PRKG1: variants seen among roughly 807,000 people sequenced by gnomAD.
PRKG1 encodes cGMP-dependent protein kinase 1.
In PRKG1, 35 loss-of-function variants were observed where a neutral mutation model predicts 88.1. That is an observed-to-expected ratio of 0.40 (90% CI 0.30 to 0.53). The LOEUF is 0.53. Ranked by LOEUF, PRKG1 falls within the 20% of genes least tolerant of loss-of-function variation. The pLI is 0.59. For missense variants in PRKG1, 540 were observed against 839.8 expected (o/e 0.64, Z 4.41); for synonymous variants, 303 against 292.5 (o/e 1.04, Z -0.37).
At chr10:51,273,835 C>A (rs1840045115) in intron 2 of PRKG1, among the ~76,000 whole-genome samples, 1 of 152,126 alleles carries the variant, frequency 6.6e-6, no homozygotes, top group Non-Finnish European at 1.5e-5. Context: ...ATGTTTATAC[C>A]ACCCACCTTA....
chr10:51,519,159 T>G (rs1384974716), intron 3 of PRKG1, among the ~76,000 whole-genome samples: 1 of 152,194 alleles, frequency 6.6e-6, no homozygotes, highest in South Asian at 2.1e-4. Flanking sequence ...AACAATGCAT[T>G]TGATATGTGG....
intron 7 of PRKG1, among the ~76,000 whole-genome samples, chr10:52,102,159 C>CCTTTTT (rs1847307888): frequency 6.6e-6 from 1 of 152,128 alleles, no homozygotes; most frequent in Non-Finnish European, 1.5e-5. Flanking sequence ...AGCCAATAAA[C>CCTTTTT]AACTGCCTTT....
At chr10:51,692,051 A>C (rs556880398) in intron 3 of PRKG1, among the ~76,000 whole-genome samples, 1 of 152,296 alleles carries the variant, frequency 6.6e-6, no homozygotes, top group East Asian at 1.9e-4. Context: ...AAAGATAGGA[A>C]ATATATTGTA....
rs576911399 is a variant in PRKG1, at chr10:51,397,704, T to A, written c.479-70019T>A. ...TGATGGGATTCTGGCAGTGGAAATA[T>A]AATTAAAATCACAGCAGTTATCAAG... On this transcript the variant is annotated intron_variant, in intron 2 of 17. Coordinates refer to ENST00000373980, the MANE Select transcript of PRKG1 (RefSeq NM_006258.4). Among the ~76,000 whole-genome samples, 4 of 152,278 alleles carry A rather than the reference T, an allele frequency of 2.6e-5. No homozygotes were observed. In the South Asian group the frequency reaches 8.3e-4, roughly 32 times the overall value.
At chr10:51,775,525 G>A (rs1220747281) in intron 3 of PRKG1, among the ~76,000 whole-genome samples, 4 of 151,884 alleles carry the variant, frequency 2.6e-5, no homozygotes, top group Admixed American at 2.6e-4. Context: ...GTGAAGGGAA[G>A]CGCCTTCTCC....
intron 2 of PRKG1, among the ~76,000 whole-genome samples, chr10:51,374,996 A>G (rs1304147059): frequency 6.6e-6 from 1 of 152,168 alleles, no homozygotes; most frequent in African/African-American, 2.4e-5. Context: ...AGAGAGAGTC[A>G]GTAGAGTCTG....
At position 52,297,784 on chromosome 10, in the gene PRKG1, T is replaced by C. The variant is rs1842410969; in HGVS notation, c.*3884T>C. On this transcript the variant is annotated 3_prime_UTR_variant, in exon 18 of 18. Coordinates refer to ENST00000373980, the MANE Select transcript of PRKG1 (RefSeq NM_006258.4). Reference sequence around the variant, plus strand: ...TCCAACCGAAAAGAAAAATTGGAAATGACTGCTAACCAGACCTCGTTATGA... The same window carrying C: ...TCCAACCGAAAAGAAAAATTGGAAACGACTGCTAACCAGACCTCGTTATGA... 1.3e-5 allele frequency: 2 copies of C among 152,166 alleles called. No homozygotes were observed. Among genetic ancestry groups the C allele is most frequent in the African/African-American group, 4.8e-5 (2 of 41,452 alleles). The allele number at this position is 152,166 out of a possible 1,614,324, so 9.4% of individuals were successfully genotyped here. A position where few individuals can be genotyped will look rare whatever the true frequency, so the allele number is the denominator to read the frequency against.
At chr10:51,657,775 A>G (rs1286777871) in intron 3 of PRKG1, among the ~76,000 whole-genome samples, 1 of 152,134 alleles carries the variant, frequency 6.6e-6, no homozygotes, top group Non-Finnish European at 1.5e-5. Flanking sequence ...CCCATTTTTA[A>G]CAGGCTTCCA....
At chr10:52,200,207 T>C (rs1839629271) in intron 9 of PRKG1, among the ~76,000 whole-genome samples, 1 of 152,116 alleles carries the variant, frequency 6.6e-6, no homozygotes, top group Admixed American at 6.6e-5. Flanking sequence ...CTCACCCTCG[T>C]CCCACCCTCC....
intron 2 of PRKG1, among the ~76,000 whole-genome samples, chr10:51,302,332 T>C (rs1170062928): frequency 6.6e-6 from 1 of 152,206 alleles, no homozygotes; most frequent in East Asian, 1.9e-4. Context: ...AATTATTCCC[T>C]GTAAAATATT....
intron 3 of PRKG1, among the ~76,000 whole-genome samples, chr10:51,586,441 A>G (rs1005113951): frequency 3.3e-5 from 5 of 152,160 alleles, no homozygotes; most frequent in Non-Finnish European, 7.4e-5. Context: ...GATGTGTTGT[A>G]TTGAGGCCTA....
intron 2 of PRKG1, among the ~76,000 whole-genome samples, chr10:51,206,660 C>A (rs1189038667): frequency 1.3e-5 from 2 of 152,176 alleles, no homozygotes; most frequent in Non-Finnish European, 2.9e-5. Context: ...TCTGTGCCCA[C>A]TTTTTCTTGG....
chr10:51,505,475 G>T (rs1483115585), intron 3 of PRKG1, among the ~76,000 whole-genome samples: 1 of 152,152 alleles, frequency 6.6e-6, no homozygotes, highest in African/African-American at 2.4e-5. Flanking sequence ...TCAGGATGAT[G>T]CTGGCCTCAT....
intron 5 of PRKG1, among the ~76,000 whole-genome samples, chr10:52,046,180 C>G (rs901114012): frequency 9.2e-5 from 14 of 152,040 alleles, no homozygotes. Flanking sequence ...TTGAAGGTCA[C>G]TGGGTTAATT....
At chr10:51,697,903 C>CTGTATACCTCCTCCT (rs539295286) in intron 3 of PRKG1, 41 of 1,607,878 alleles carry the variant, frequency 2.5e-5, no homozygotes, top group African/African-American at 1.6e-4. Flanking sequence ...TGCTTGCCCC[C>CTGTATACCTCCTCCT]TGTATACCTC....
At chr10:51,867,729 T>C (rs28442041) in intron 4 of PRKG1, among the ~76,000 whole-genome samples, 5,250 of 152,208 alleles carry the variant, frequency 0.034, 339 homozygotes, top group African/African-American at 0.12. Flanking sequence ...TCTAGATGAG[T>C]ACCCTCTTCT....
chr10:51,700,195 T>A (rs1841428790), intron 3 of PRKG1, among the ~76,000 whole-genome samples: 2 of 152,214 alleles, frequency 1.3e-5, no homozygotes, highest in Admixed American at 1.3e-4. Context: ...AACTGAAGCG[T>A]GTGCCGGCTG....
intron 3 of PRKG1, among the ~76,000 whole-genome samples, chr10:51,474,899 T>C (rs769206041): frequency 5.9e-5 from 9 of 152,092 alleles, no homozygotes; most frequent in Non-Finnish European, 7.4e-5. Context: ...GTTGACTAAA[T>C]TTCTAAGTCA....
At chr10:52,134,315 G>A (rs958525919) in intron 8 of PRKG1, among the ~76,000 whole-genome samples, 2 of 152,054 alleles carry the variant, frequency 1.3e-5, no homozygotes, top group Non-Finnish European at 2.9e-5. Context: ...TATTTTTTTA[G>A]TAGTTTTAGT....
Sources: allele counts gnomAD v4.1 joint callset (sites outside exome capture counted in the v4.1 genomes callset), GRCh38; gene constraint gnomAD v4.1.1; transcripts MANE v1.5; gene names NCBI Gene and HGNC (gene_info 2026-07-23, HGNC 2026-07-21).